ODAD4: variants seen among roughly 807,000 people sequenced by gnomAD.
ODAD4 encodes the protein outer dynein arm-docking complex subunit 4.
ODAD4 carries 49 observed loss-of-function variants against 51.8 expected under a neutral mutation model. The ratio of observed to expected loss-of-function variants is 0.95; its 90% CI spans 0.75 to 1.20. ODAD4 has a LOEUF of 1.20. Ranked by LOEUF, ODAD4 falls within the 50% of genes most tolerant of loss-of-function variation. The probability of loss-of-function intolerance (pLI) is 0.00; values close to 1 mark genes in which losing one functional copy is unlikely to be tolerated. For missense variants in ODAD4, 590 were observed against 586.5 expected, an observed-to-expected ratio of 1.01 and a Z score of -0.06; for synonymous variants, 235 against 221.3, an observed-to-expected ratio of 1.06 and a Z score of -0.55.
intron 5 of ODAD4, 137 bp downstream of exon 5, chr17:41,937,064 AT>A: frequency 9.3e-7 from 1 of 1,075,494 alleles, no homozygotes. Flanking sequence ...TAGCATTCTC[AT>A]TTTACAGATG....
chr17:41,952,637 C>T lies in ODAD4; in HGVS notation c.1343-2580C>T, dbSNP rs12451811. 5.7e-3 allele frequency: 2,945 copies of T among 515,422 alleles called. 51 individuals are homozygous for T. The highest frequency in any genetic ancestry group is 0.025 in the Admixed American group (1,299 of 51,338). The allele number at this position is 515,422 out of a possible 1,614,324, so 31.9% of individuals were successfully genotyped here. A position where few individuals can be genotyped will look rare whatever the true frequency, so the allele number is the denominator to read the frequency against. ...AATAAGCATGTGACTCTTCTGCAGA[C>T]CTTTAATGTCAGAGTCCCACTGGTC... On this transcript the variant is annotated intron_variant, in intron 9 of 11. Coordinates refer to ENST00000377540, the MANE Select transcript of ODAD4 (RefSeq NM_031421.5).
intron 7 of ODAD4, among the ~76,000 whole-genome samples, chr17:41,941,037 G>T (rs782036744): frequency 1.3e-5 from 2 of 152,098 alleles, no homozygotes; most frequent in Non-Finnish European, 2.9e-5. Flanking sequence ...TTGCCATATC[G>T]CTCAAGTTGG....
At chr17:41,949,031 C>A (rs2050622363) in intron 8 of ODAD4, 122 bp from the exon 9 acceptor site, 2 of 396,990 alleles carry the variant, frequency 5.0e-6, no homozygotes, top group East Asian at 7.1e-5. Flanking sequence ...ACCCTTGTAT[C>A]CAAAAGAACT....
chr17:41,955,756 C>T (rs2050723731), intron 10 of ODAD4, among the ~76,000 whole-genome samples: 1 of 152,102 alleles, frequency 6.6e-6, no homozygotes, highest in Admixed American at 6.6e-5. Context: ...ATATTTACCT[C>T]TGCTACGTAC....
Position 41,955,097 on chromosome 17 carries a change from G to A in ODAD4, c.1343-120G>A, listed in dbSNP as rs922187797. ...TGATGCTTCCCTGGGGCCTGGGTCC[G>A]ACTACAGCTCACACAAGCTTCTGAT... On this transcript the variant is annotated intron_variant, in intron 9 of 11. Transcript: ENST00000377540. 21 of 712,492 alleles carry A rather than the reference G, an allele frequency of 2.9e-5. 1 individual carries two copies. Among genetic ancestry groups the A allele is most frequent in the African/African-American group, 1.2e-4 (7 of 57,726 alleles). 44.1% of individuals were successfully genotyped at this position (712,492 alleles called of 1,614,324 possible).
At position 41,945,132 on chromosome 17, in the gene ODAD4, A is replaced by T. The variant is rs1555639315; in HGVS notation, c.1059-4A>T. On this transcript the variant is annotated splice_polypyrimidine_tract_variant and splice_region_variant and intron_variant, in intron 7 of 11. Coordinates refer to ENST00000377540, the MANE Select transcript of ODAD4 (RefSeq NM_031421.5). ...GAATGGCTTGTTTTGCTTCTTCCCC[A>T]CAGTGACCTTCCTGATGCAAAATCG... 1 of 1,611,942 alleles carries T rather than the reference A, an allele frequency of 6.2e-7. No individual in the cohort carries two copies. The highest frequency in any genetic ancestry group is 8.5e-7 in the Non-Finnish European group (1 of 1,179,016).
intron 8 of ODAD4, among the ~76,000 whole-genome samples, chr17:41,945,595 A>C (rs1263745011): frequency 6.6e-6 from 1 of 152,124 alleles, no homozygotes; most frequent in Non-Finnish European, 1.5e-5. Context: ...TGAATGAGGA[A>C]TGGGAATTTA....
At chr17:41,954,083 T>G (rs1462563888) in intron 9 of ODAD4, among the ~76,000 whole-genome samples, 1 of 151,878 alleles carries the variant, frequency 6.6e-6, no homozygotes, top group Non-Finnish European at 1.5e-5. Context: ...CCTCTGAGGT[T>G]CAAGCAATTC....
chr17:41,935,496 G>A, intron 2 of ODAD4, 103 bp from the exon 3 acceptor site: 1 of 1,512,762 alleles, frequency 6.6e-7, no homozygotes, highest in African/African-American at 1.4e-5. Context: ...CCTGCCCCCT[G>A]TATTCCAACC....
chr17:41,935,434 A>G, intron 2 of ODAD4, 86 bp downstream of exon 2: 1 of 1,552,470 alleles, frequency 6.4e-7, no homozygotes, highest in East Asian at 2.3e-5. Flanking sequence ...AGAACCAGCC[A>G]GACTGCCTAG....
chr17:41,954,218 C>T (rs1206762250), intron 9 of ODAD4, among the ~76,000 whole-genome samples: 1 of 150,834 alleles, frequency 6.6e-6, no homozygotes, highest in Non-Finnish European at 1.5e-5. Flanking sequence ...AACTCCTGAC[C>T]TCAAGCAATC....
At chr17:41,956,432 C>T (rs938820120) in intron 10 of ODAD4, among the ~76,000 whole-genome samples, 8 of 149,638 alleles carry the variant, frequency 5.3e-5, no homozygotes, top group Admixed American at 1.3e-4. Flanking sequence ...GTGATCTGCC[C>T]GCCTCGGCCT....
At position 41,936,867 on chromosome 17, in the gene ODAD4, C is replaced by T. The variant is rs782682973; in HGVS notation, c.565C>T (p.Gln189Ter). The T allele has an allele frequency of 4.3e-6, 7 of 1,613,980 alleles. No individual in the cohort carries two copies. The highest frequency in any genetic ancestry group is 3.3e-5 in the Admixed American group (2 of 60,022). The change falls in exon 5 of 12, where the codon CAG (glutamine) becomes TAG (stop). Residue 189 changes from glutamine to a stop codon, truncating the protein, a stop_gained. Transcript: ENST00000377540. LOFTEE classifies it high-confidence loss of function. ...ASLKSEKTVR[Q>*]LLGELYVDKE... ...GCTCAAGAGTGAGAAGACTGTCCGC[C>T]AGCTTCTGGGGGAGCTCTACGTGGA...
chr17:41,938,808 C>T, intron 6 of ODAD4, 27 bp downstream of exon 6: 1 of 1,606,440 alleles, frequency 6.2e-7, no homozygotes, highest in South Asian at 1.1e-5. Flanking sequence ...GAGGGTGGGG[C>T]AGGTGCCTCC....
At chr17:41,933,350 CAAAA>C (rs34740606) in intron 1 of ODAD4, among the ~76,000 whole-genome samples, 4 of 74,704 alleles carry the variant, frequency 5.4e-5, no homozygotes, top group Admixed American at 4.7e-4. Context: ...AACTCTGTCT[CAAAA>C]AAAAAAAAAA....
chr17:41,946,260 C>T (rs1451958639), intron 8 of ODAD4, among the ~76,000 whole-genome samples: 1 of 152,222 alleles, frequency 6.6e-6, no homozygotes. Flanking sequence ...CACTTTAGTG[C>T]GACAGGTGTG....
At chr17:41,953,402 T>TGAG (rs2050685188) in intron 9 of ODAD4, among the ~76,000 whole-genome samples, 1 of 152,090 alleles carries the variant, frequency 6.6e-6, no homozygotes, top group Non-Finnish European at 1.5e-5. Flanking sequence ...AAGGGCTTAT[T>TGAG]TTCCCCATGG....
At chr17:41,950,118 C>T (rs1226282959) in intron 9 of ODAD4, among the ~76,000 whole-genome samples, 3 of 151,130 alleles carry the variant, frequency 2.0e-5, no homozygotes, top group African/African-American at 4.9e-5. Flanking sequence ...TACAGGCGCG[C>T]ACCACCACAC....
chr17:41,936,612 A>G (rs1427040904), intron 4 of ODAD4, 78 bp downstream of exon 4: 5 of 1,514,056 alleles, frequency 3.3e-6, no homozygotes, highest in South Asian at 1.1e-5. Flanking sequence ...TTGGGAGTCT[A>G]GCTGCAACCT....
Sources: allele counts gnomAD v4.1 joint callset (sites outside exome capture counted in the v4.1 genomes callset), GRCh38; gene constraint gnomAD v4.1.1; transcripts MANE v1.5; gene names NCBI Gene and HGNC (gene_info 2026-07-23, HGNC 2026-07-21).